The following TBC1D32 variants were observed in gnomAD, a reference collection of about 807,000 sequenced individuals.
The protein encoded by TBC1D32 is TBC1 domain family member 32, also known as protein broad-minded.
A neutral mutation model predicts 170.3 loss-of-function variants in TBC1D32; 151 were observed. The observed-to-expected ratio is 0.89, with a 90% CI of 0.78 to 1.01. The LOEUF (loss-of-function observed/expected upper bound fraction) is 1.01. Among genes scored for constraint, TBC1D32 ranks in the 50% least tolerant of loss-of-function variants. The pLI, the probability that TBC1D32 is intolerant of heterozygous loss-of-function variation, is 0.00. For missense variants in TBC1D32, 1,464 were observed against 1,457.1 expected (o/e 1.00, Z -0.08); for synonymous variants, 498 against 488.0 (o/e 1.02, Z -0.27).
rs529061480 is a variant in TBC1D32, at chr6:121,242,503, T to A, written c.2019-164A>T. On this transcript the variant is annotated intron_variant, in intron 17 of 31. Coordinates refer to ENST00000398212, the MANE Select transcript of TBC1D32 (RefSeq NM_152730.6). ...TTTAAAATTAAATAAAAACATGGTTTCTTTGGTAGTGAATTCTTTTATTCT... is the reference window on the plus strand; with the variant it reads ...TTTAAAATTAAATAAAAACATGGTTACTTTGGTAGTGAATTCTTTTATTCT... 2.0e-5 allele frequency among the ~76,000 whole-genome samples: 3 copies of A among 152,248 alleles called. No individual in the cohort carries two copies. In the South Asian group the frequency reaches 6.2e-4, roughly 32 times the overall value.
chr6:121,206,741 A>G (rs1792328231), intron 21 of TBC1D32, among the ~76,000 whole-genome samples: 1 of 152,218 alleles, frequency 6.6e-6, no homozygotes, highest in East Asian at 1.9e-4. Flanking sequence ...ACTACCTAGT[A>G]ATGATGAATA....
chr6:121,156,442 T>C (rs1223542530), intron 24 of TBC1D32, among the ~76,000 whole-genome samples: 3 of 152,006 alleles, frequency 2.0e-5, no homozygotes, highest in Admixed American at 2.0e-4. Context: ...AGTCTATCTA[T>C]CTTGTTTTTC....
At position 121,154,415 on chromosome 6, in the gene TBC1D32, G is replaced by A. The variant is rs377488744; in HGVS notation, c.2773+5595C>T. On this transcript the variant is annotated intron_variant, in intron 24 of 31. Transcript: ENST00000398212. The stretch of plus-strand genomic sequence containing the variant: ...CTGCATTGGTCTCACTGGGATCTGA[G>A]GACTGGAGCTGTTCCTATTACGCCA... Among the ~76,000 whole-genome samples, 25 of 152,302 alleles carry A rather than the reference G, an allele frequency of 1.6e-4. No homozygotes were observed. The East Asian group carries it at 4.6e-3, about 28-fold the overall frequency.
intron 15 of TBC1D32, among the ~76,000 whole-genome samples, chr6:121,258,645 A>G (rs550242117): frequency 1.3e-5 from 2 of 152,310 alleles, no homozygotes; most frequent in South Asian, 4.1e-4. Context: ...AAATATAAAC[A>G]AATATGATCA....
intron 22 of TBC1D32, among the ~76,000 whole-genome samples, chr6:121,190,073 G>GACACACAC (rs533974518): frequency 9.4e-5 from 6 of 63,672 alleles, no homozygotes; most frequent in African/African-American, 1.3e-4. Context: ...GCCCAATACA[G>GACACACAC]ACACACACAC....
In TBC1D32 at chr6:121,080,284, C is replaced by CTTGG. The variant is rs1775516553; in HGVS notation, c.*483_*486dup. On this transcript the variant is annotated 3_prime_UTR_variant, in exon 32 of 32. Coordinates refer to ENST00000398212, the MANE Select transcript of TBC1D32 (RefSeq NM_152730.6). ...CCTGGCTGGAGTACAGTGGCACAAT[C>CTTGG]TTGGCTCACTGCAACCTCCGCCTCC... is the stretch of plus-strand genomic sequence containing the variant. 4.5e-6 allele frequency: 1 copy of CTTGG among 221,552 alleles called. No homozygotes were observed. 13.7% of individuals were successfully genotyped at this position (221,552 alleles called of 1,614,324 possible). A position where few individuals can be genotyped will look rare whatever the true frequency, so the allele number is the denominator to read the frequency against.
chr6:121,204,515 T>C lies in TBC1D32; in HGVS notation c.2570+560A>G, dbSNP rs111639369. 2.3e-3 allele frequency among the ~76,000 whole-genome samples: 341 copies of C among 151,412 alleles called. 12 individuals are homozygous for C. The highest frequency in any genetic ancestry group is 7.9e-3 in the African/African-American group (320 of 40,732). On this transcript the variant is annotated intron_variant, in intron 22 of 31. Transcript: ENST00000398212. ...AATTTACAGGAAGGGAAGCAAATTCTATGTTTACATATGACCAAAAGACTG... is the reference window on the plus strand; with the variant it reads ...AATTTACAGGAAGGGAAGCAAATTCCATGTTTACATATGACCAAAAGACTG...
At chr6:121,229,077 A>C (rs1429604659) in intron 20 of TBC1D32, among the ~76,000 whole-genome samples, 3 of 151,904 alleles carry the variant, frequency 2.0e-5, no homozygotes, top group African/African-American at 7.3e-5. Flanking sequence ...TTCTTTGTAC[A>C]TATTTTTTCC....
chr6:121,268,968 G>C (rs542945372), intron 15 of TBC1D32, among the ~76,000 whole-genome samples: 1 of 152,096 alleles, frequency 6.6e-6, no homozygotes, highest in Non-Finnish European at 1.5e-5. Context: ...CAACCTTCTT[G>C]AAGAAAAGAA....
chr6:121,210,269 A>G (rs1792873896), intron 21 of TBC1D32, among the ~76,000 whole-genome samples: 1 of 152,252 alleles, frequency 6.6e-6, no homozygotes, highest in Non-Finnish European at 1.5e-5. Context: ...GTAAATGTCA[A>G]TGGCTATTAA....
chr6:121,103,605 G>A (rs1249210429), intron 30 of TBC1D32, among the ~76,000 whole-genome samples: 2 of 99,646 alleles, frequency 2.0e-5, no homozygotes, highest in African/African-American at 3.9e-5. Flanking sequence ...GAGGGGGGAG[G>A]GATAGCTTTA....
At chr6:121,085,375 A>ATGTG (rs1776154086) in intron 31 of TBC1D32, among the ~76,000 whole-genome samples, 1 of 135,780 alleles carries the variant, frequency 7.4e-6, no homozygotes, top group Admixed American at 7.3e-5. Flanking sequence ...ATATATGTGT[A>ATGTG]TATATATATA....
intron 20 of TBC1D32, among the ~76,000 whole-genome samples, chr6:121,234,208 G>A (rs1293168599): frequency 2.0e-5 from 3 of 152,126 alleles, no homozygotes; most frequent in Admixed American, 1.3e-4. Context: ...ATCTTTTTGC[G>A]ATGAATTTCC....
intron 20 of TBC1D32, among the ~76,000 whole-genome samples, chr6:121,230,644 G>GAGAT (rs144367078): frequency 1.0e-4 from 15 of 149,580 alleles, no homozygotes; most frequent in African/African-American, 3.7e-4. Context: ...GTATATATCT[G>GAGAT]ATATATATAT....
At chr6:121,275,111 T>C (rs563319593) in intron 15 of TBC1D32, among the ~76,000 whole-genome samples, 33 of 152,276 alleles carry the variant, frequency 2.2e-4, no homozygotes, top group African/African-American at 7.5e-4. Flanking sequence ...CACAACAGTA[T>C]TGCACCGATG....
chr6:121,092,399 A>G (rs980529079), intron 30 of TBC1D32, among the ~76,000 whole-genome samples: 1 of 148,552 alleles, frequency 6.7e-6, no homozygotes, highest in African/African-American at 2.5e-5. Flanking sequence ...ATACAGATAT[A>G]CAAAATTTCC....
intron 22 of TBC1D32, among the ~76,000 whole-genome samples, chr6:121,173,307 C>T (rs1787319033): frequency 6.6e-6 from 1 of 152,068 alleles, no homozygotes. Context: ...TTGCTCTTTG[C>T]AGGAGGAAGG....
intron 21 of TBC1D32, among the ~76,000 whole-genome samples, chr6:121,209,064 T>C (rs1309635784): frequency 6.6e-6 from 1 of 152,014 alleles, no homozygotes; most frequent in Non-Finnish European, 1.5e-5. Flanking sequence ...ATATATCACT[T>C]ATTATCTGCC....
chr6:121,089,433 A>C (rs937051408), intron 31 of TBC1D32, among the ~76,000 whole-genome samples: 2 of 152,178 alleles, frequency 1.3e-5, no homozygotes, highest in African/African-American at 4.8e-5. Context: ...TGAAATTCCT[A>C]TAACTGACCA....
Sources: allele counts gnomAD v4.1 joint callset (sites outside exome capture counted in the v4.1 genomes callset), GRCh38; gene constraint gnomAD v4.1.1; transcripts MANE v1.5; gene names NCBI Gene and HGNC (gene_info 2026-07-23, HGNC 2026-07-21).